The following CPNE1 variants were observed in gnomAD, a reference collection of about 807,000 sequenced individuals.
The protein encoded by CPNE1 is copine-1.
A neutral mutation model predicts 63.2 loss-of-function variants in CPNE1; 58 were observed. The ratio of observed to expected loss-of-function variants is 0.92; its 90% CI spans 0.74 to 1.14. The LOEUF (loss-of-function observed/expected upper bound fraction) is 1.14, where lower values mean the gene tolerates loss of function less well. Among genes scored for constraint, CPNE1 ranks in the 50% most tolerant of loss-of-function variants. The pLI, the probability that CPNE1 is intolerant of heterozygous loss-of-function variation, is 0.00. For missense variants in CPNE1, 672 were observed against 661.7 expected (o/e 1.02, Z -0.17); for synonymous variants, 237 against 249.0 (o/e 0.95, Z 0.45).
chr20:35,649,905 C>A (rs1240468900), intron 1 of CPNE1: 1 of 152,362 alleles, frequency 6.6e-6, no homozygotes, highest in African/African-American at 2.4e-5. Flanking sequence ...ATGCACACAA[C>A]TTTGAGCAAA....
rs767040898 is a variant in CPNE1, at chr20:35,627,249, C to CACCACT, written c.1236+25_1236+30dup. On this transcript the variant is annotated intron_variant, in intron 14 of 15. Transcript: ENST00000397443. ...AACCCTCAAGGAAGCCCTTGATTGC[C>CACCACT]ACCACTGCCACTGCCACCCACGACT... is the stretch of plus-strand genomic sequence containing the variant. 3 of 1,589,950 alleles carry CACCACT rather than the reference C, an allele frequency of 1.9e-6. No homozygotes were observed. In the East Asian group the frequency reaches 6.8e-5, roughly 36 times the overall value.
At chr20:35,640,987 A>C (rs2032771983) in intron 1 of CPNE1, among the ~76,000 whole-genome samples, 1 of 152,212 alleles carries the variant, frequency 6.6e-6, no homozygotes, top group Non-Finnish European at 1.5e-5. Context: ...CTATAGCTCC[A>C]ACATTTTTCT....
At chr20:35,653,379 T>C in intron 1 of CPNE1, 1 of 1,614,130 alleles carries the variant, frequency 6.2e-7, no homozygotes, top group Non-Finnish European at 8.5e-7. Context: ...TTCCTGGAAC[T>C]GCAGGATTAC....
chr20:35,643,922 C>T (rs2032966246), intron 1 of CPNE1, among the ~76,000 whole-genome samples: 1 of 152,102 alleles, frequency 6.6e-6, no homozygotes, highest in Non-Finnish European at 1.5e-5. Context: ...CTCCCACTTT[C>T]CCTAAAAGTC....
chr20:35,636,904 A>G (rs2032517581), intron 1 of CPNE1, among the ~76,000 whole-genome samples: 2 of 152,244 alleles, frequency 1.3e-5, no homozygotes, highest in South Asian at 4.1e-4. Flanking sequence ...ACACACACAG[A>G]AAAATAGAAG....
intron 1 of CPNE1, among the ~76,000 whole-genome samples, chr20:35,660,887 C>A (rs2034197284): frequency 6.6e-6 from 1 of 152,122 alleles, no homozygotes; most frequent in African/African-American, 2.4e-5. Flanking sequence ...CTGGGGTCAG[C>A]CAGTTAAGCT....
chr20:35,643,423 AAC>A (rs1180785745), intron 1 of CPNE1: 1 of 152,186 alleles, frequency 6.6e-6, no homozygotes, highest in African/African-American at 2.4e-5. Flanking sequence ...AGAGACTCTG[AAC>A]ACACCAACAC....
intron 12 of CPNE1, 82 bp downstream of exon 12, chr20:35,630,659 A>AG: frequency 4.5e-6 from 7 of 1,543,074 alleles, no homozygotes; most frequent in Non-Finnish European, 4.5e-6. Context: ...CTGAGTGCCA[A>AG]GTAGCAAGTA....
At chr20:35,629,663 T>G (rs2031989276) in intron 13 of CPNE1, among the ~76,000 whole-genome samples, 1 of 151,842 alleles carries the variant, frequency 6.6e-6, no homozygotes, top group Non-Finnish European at 1.5e-5. Flanking sequence ...TCATTTTTTT[T>G]TTTTTTTGAG....
chr20:35,631,210 C>T (rs374861105), intron 9 of CPNE1, 37 bp from the exon 10 acceptor site: 16 of 1,613,568 alleles, frequency 9.9e-6, no homozygotes, highest in Non-Finnish European at 1.4e-5. Flanking sequence ...GGGGTGATAG[C>T]AGTTGGTGTC....
chr20:35,630,884 G>A lies in CPNE1; in HGVS notation c.995+17C>T. 6.2e-7 allele frequency: 1 copy of A among 1,603,176 alleles called. No homozygotes were observed. The highest frequency in any genetic ancestry group is 1.3e-5 in the African/African-American group (1 of 74,760). On this transcript the variant is annotated intron_variant, in intron 11 of 15. Coordinates refer to ENST00000397443, the MANE Select transcript of CPNE1 (RefSeq NM_152925.3). ...ATCTGCAGGGAGCGGGTATAGCCCAGAGAAGCAGGTACTCACGAGTCATAG... is the reference window on the plus strand; with the variant it reads ...ATCTGCAGGGAGCGGGTATAGCCCAAAGAAGCAGGTACTCACGAGTCATAG...
chr20:35,646,390 C>CTTTT (rs559754204), intron 1 of CPNE1, among the ~76,000 whole-genome samples: 14 of 122,580 alleles, frequency 1.1e-4, no homozygotes, highest in South Asian at 2.6e-4. Context: ...AGTGACAAGG[C>CTTTT]TTTTTTTTTT....
chr20:35,648,482 GA>G (rs1247079928), intron 1 of CPNE1, among the ~76,000 whole-genome samples: 1 of 152,142 alleles, frequency 6.6e-6, no homozygotes, highest in Non-Finnish European at 1.5e-5. Context: ...AGCCATTTTG[GA>G]TATCTGTAGG....
Position 35,626,608 on chromosome 20 carries a change from G to A in CPNE1, c.1432C>T (p.Arg478Cys), listed in dbSNP as rs148449950. ...LHTRSGQAAA[R>C]DIVQFVPYRR... is the part of the protein sequence containing the mutation. The stretch of plus-strand genomic sequence containing the variant: ...TAGGGTACAAACTGCACAATGTCGC[G>A]GGCAGCAGCCTGCCCAGAACGTGTA... The change falls in exon 15 of 16, where the codon CGC (arginine) becomes TGC (cysteine). Residue 478 changes from arginine (R) to cysteine (C), a missense_variant. By Grantham distance (180) the Arg-to-Cys change is radical (BLOSUM62 -3). Coordinates refer to ENST00000397443, the MANE Select transcript of CPNE1 (RefSeq NM_152925.3). 8.7e-6 allele frequency: 14 copies of A among 1,614,126 alleles called. No individual in the cohort carries two copies. Among genetic ancestry groups the A allele is most frequent in the South Asian group, 2.2e-5 (2 of 91,068 alleles).
At chr20:35,631,626 G>T in intron 7 of CPNE1, 48 bp from the exon 8 acceptor site, 2 of 1,607,450 alleles carry the variant, frequency 1.2e-6, no homozygotes, top group African/African-American at 2.7e-5. Context: ...TGGCAGATGA[G>T]AATAAGTCCC....
rs201246578 is a variant in CPNE1 at position 35,631,544 on chromosome 20, T to C, written c.662A>G (p.His221Arg). 4.3e-6 allele frequency: 7 copies of C among 1,614,080 alleles called. No individual in the cohort carries two copies. The African/African-American group carries it at 8.0e-5, about 18-fold the overall frequency. Reference sequence around the variant, plus strand: ...GGTGTGGAAGGTACCGATGAGATCATGTGACCCGTCACTGTCATAATCGGA... The same window carrying C: ...GGTGTGGAAGGTACCGATGAGATCACGTGACCCGTCACTGTCATAATCGGA... ...QCSDYDSDGS[H>R]DLIGTFHTSL... The change falls in exon 8 of 16, where the codon CAT becomes CGT. Residue 221 changes from histidine (H) to arginine (R), a missense_variant. Transcript: ENST00000397443.
At chr20:35,651,061 G>T (rs2033479287) in intron 1 of CPNE1, 1 of 152,230 alleles carries the variant, frequency 6.6e-6, no homozygotes, top group Non-Finnish European at 1.5e-5. Context: ...CTAGAGCCCT[G>T]TAAGGCCAAG....
chr20:35,639,406 G>A (rs2032675828), intron 1 of CPNE1, among the ~76,000 whole-genome samples: 1 of 151,906 alleles, frequency 6.6e-6, no homozygotes, highest in Non-Finnish European at 1.5e-5. Flanking sequence ...GCACCATCTC[G>A]GCTCATAGTA....
In CPNE1 at chr20:35,631,945, C is replaced by A. The variant is rs1347499198; in HGVS notation, c.537G>T (p.Glu179Asp). ...CCACCCAATCCCAGGGGTCTCATAC[C>A]TCAGATCTGTACACCAGGTGCCATT... ...DGKWHLVYRSEVIKNNLNPTW... is the reference protein window; with the variant it reads ...DGKWHLVYRSDVIKNNLNPTW... The change falls in exon 6 of 16, where the codon GAG becomes GAT. Residue 179 changes from glutamate (E) to aspartate (D), a missense_variant and splice_region_variant. Physicochemically the swap from Glu to Asp is conservative, Grantham distance 45. Coordinates refer to ENST00000397443, the MANE Select transcript of CPNE1 (RefSeq NM_152925.3). The A allele has an allele frequency of 1.2e-6, 2 of 1,613,738 alleles. No homozygotes were observed. Among genetic ancestry groups the A allele is most frequent in the South Asian group, 2.2e-5 (2 of 91,060 alleles).
Sources: gnomAD v4.1 joint callset for allele counts (sites outside exome capture counted in the v4.1 genomes callset) on GRCh38, gnomAD v4.1.1 for gene constraint, MANE v1.5 for transcripts, NCBI Gene and HGNC (gene_info 2026-07-23, HGNC 2026-07-21) for gene names.